MAL2: variants seen among roughly 807,000 people sequenced by gnomAD.
MAL2 encodes the protein protein MAL2.
MAL2 carries 17 observed loss-of-function variants against 18.1 expected under a neutral mutation model. The observed-to-expected ratio is 0.94, with a 90% CI of 0.64 to 1.41. MAL2 has a LOEUF of 1.41. MAL2 is among the 40% of genes most tolerant of loss of function. The pLI, the probability that MAL2 is intolerant of heterozygous loss-of-function variation, is 0.00. For missense variants in MAL2, 222 were observed against 231.9 expected (o/e 0.96, Z 0.28); for synonymous variants, 102 against 102.3 (o/e 1.00, Z 0.02).
rs193178438 is a variant in MAL2 at position 119,218,554 on chromosome 8, C to T, written c.133-3033C>T. 2.7e-4 allele frequency among the ~76,000 whole-genome samples: 41 copies of T among 152,232 alleles called. No homozygotes were observed. The East Asian group carries it at 7.4e-3, about 27-fold the overall frequency. ...GTTGAGCTCTTTTTATAGCACCCAC[C>T]GCAATCTGCTCCTGAATCAGTTTAA... is the stretch of plus-strand genomic sequence containing the variant. On this transcript the variant is annotated intron_variant, in intron 1 of 3. Coordinates refer to ENST00000614891, the MANE Select transcript of MAL2 (RefSeq NM_052886.3).
In MAL2 at chr8:119,221,656, G is replaced by T. The variant is rs1200697719; in HGVS notation, c.202G>T (p.Val68Phe). 6.8e-6 allele frequency: 11 copies of T among 1,613,904 alleles called. No individual in the cohort carries two copies. The highest frequency in any genetic ancestry group is 9.3e-6 in the Non-Finnish European group (11 of 1,179,844). ...NVPLPLLQGW[V>F]MFVSVTAFFF... ...TCCTCTACCTCTACTACAAGGATGG[G>T]TCATGTTTGTGTCCGTGACAGCGTT... is the stretch of plus-strand genomic sequence containing the variant. The change falls in exon 2 of 4, where the codon GTC becomes TTC. Residue 68 changes from valine (V) to phenylalanine (F), a missense_variant. By Grantham distance (50) the Val-to-Phe change is conservative. Transcript: ENST00000614891.
intron 3 of MAL2, among the ~76,000 whole-genome samples, 160 bp downstream of exon 3, chr8:119,240,480 T>G (rs543162636): frequency 6.6e-6 from 1 of 152,292 alleles, no homozygotes; most frequent in South Asian, 2.1e-4. Context: ...GTAAGCAAAG[T>G]GCCATGATCA....
intron 3 of MAL2, among the ~76,000 whole-genome samples, chr8:119,242,783 A>G (rs879434305): frequency 7.2e-5 from 11 of 152,162 alleles, no homozygotes; most frequent in Admixed American, 6.6e-5. Context: ...TTAGTCTTCT[A>G]TGGATCATAA....
At chr8:119,238,406 C>T (rs1342002250) in intron 2 of MAL2, among the ~76,000 whole-genome samples, 1 of 152,166 alleles carries the variant, frequency 6.6e-6, no homozygotes, top group Non-Finnish European at 1.5e-5. Flanking sequence ...TGACTTTCTT[C>T]ACAGAATTGG....
At chr8:119,232,846 A>G (rs1354709942) in intron 2 of MAL2, among the ~76,000 whole-genome samples, 2,222 of 152,292 alleles carry the variant, frequency 0.015, no homozygotes, top group African/African-American at 0.051. Context: ...TCCAAATTAA[A>G]ATTACATATT....
At chr8:119,235,299 GT>G (rs1489050768) in intron 2 of MAL2, among the ~76,000 whole-genome samples, 1 of 152,186 alleles carries the variant, frequency 6.6e-6, no homozygotes, top group African/African-American at 2.4e-5. Context: ...ATGGGACTAT[GT>G]GAAAAGACCA....
chr8:119,239,776 G>A (rs2129918315), intron 2 of MAL2, among the ~76,000 whole-genome samples: 1 of 151,910 alleles, frequency 6.6e-6, no homozygotes, highest in East Asian at 1.9e-4. Flanking sequence ...GTTGTGGGGA[G>A]GGATAGCATT....
chr8:119,208,489 C>G lies in MAL2; in HGVS notation c.17C>G (p.Ala6Gly), dbSNP rs1479759280. Residue 6 changes from alanine (A) to glycine (G), a missense_variant, in exon 1 of 4, where the codon GCG (alanine) becomes GGG (glycine). Coordinates refer to ENST00000614891, the MANE Select transcript of MAL2 (RefSeq NM_052886.3). This position sits in a 1 kb window ranked among gnomAD's most constrained non-coding sequence, Gnocchi z 4.3. ...AGCGGCAGCATGTCGGCCGGCGGAGCGTCAGTCCCGCCGCCCCCGAACCCC... is the reference window on the plus strand; with the variant it reads ...AGCGGCAGCATGTCGGCCGGCGGAGGGTCAGTCCCGCCGCCCCCGAACCCC... MSAGG[A>G]SVPPPPNPAV... is the part of the protein sequence containing the mutation. The G allele has an allele frequency of 2.3e-6, 3 of 1,286,398 alleles. No individual in the cohort carries two copies. The African/African-American group carries it at 4.6e-5, about 20-fold the overall frequency. 79.7% of individuals were successfully genotyped at this position (1,286,398 alleles called of 1,614,324 possible).
At chr8:119,227,887 G>T (rs932705274) in intron 2 of MAL2, among the ~76,000 whole-genome samples, 3 of 152,070 alleles carry the variant, frequency 2.0e-5, no homozygotes, top group African/African-American at 7.2e-5. Context: ...CCTCTTCTCA[G>T]CTTTCCTGTC....
chr8:119,223,992 G>A (rs557248612), intron 2 of MAL2: 1 of 152,264 alleles, frequency 6.6e-6, no homozygotes, highest in African/African-American at 2.4e-5. Flanking sequence ...AAAAATAGTT[G>A]TTTTCTCCTG....
Position 119,243,438 on chromosome 8 carries a change from G to A in MAL2, c.481G>A (p.Ala161Thr), listed in dbSNP as rs1384292711. Residue 161 changes from alanine to threonine, a missense_variant, in exon 4 of 4, where the codon GCT becomes ACT. Ala to Thr is a moderately conservative substitution (Grantham distance 58). Coordinates refer to ENST00000614891, the MANE Select transcript of MAL2 (RefSeq NM_052886.3). Reference protein sequence around the residue: ...AASIFAFMTTACYGCSLGLAL... With the variant: ...AASIFAFMTTTCYGCSLGLAL... ...TTAGATTTTTGCCTTTATGACGACA[G>A]CTTGTTATGGTTGCAGTTTGGGTCT... The A allele has an allele frequency of 1.3e-6, 2 of 1,599,076 alleles. No individual in the cohort carries two copies. The highest frequency in any genetic ancestry group is 1.7e-6 in the Non-Finnish European group (2 of 1,171,968).
intron 1 of MAL2, among the ~76,000 whole-genome samples, chr8:119,211,475 C>G (rs1310016613): frequency 6.6e-6 from 1 of 152,192 alleles, no homozygotes; most frequent in Non-Finnish European, 1.5e-5. Flanking sequence ...GCTATTGACA[C>G]CATGCTCTTG....
At chr8:119,235,548 G>A (rs985908513) in intron 2 of MAL2, among the ~76,000 whole-genome samples, 1 of 151,064 alleles carries the variant, frequency 6.6e-6, no homozygotes, top group Non-Finnish European at 1.5e-5. Flanking sequence ...CAGCCAGAGA[G>A]AAAGGTCGGG....
chr8:119,220,434 C>T (rs186090994), intron 1 of MAL2, among the ~76,000 whole-genome samples: 67 of 152,316 alleles, frequency 4.4e-4, no homozygotes, highest in Non-Finnish European at 7.5e-4. Flanking sequence ...TGTGCTGCCT[C>T]ACCATCCACC....
In MAL2 at chr8:119,226,408, C is replaced by G. The variant is rs186995513; in HGVS notation, c.303+4651C>G. 5.4e-5 allele frequency among the ~76,000 whole-genome samples: 8 copies of G among 148,734 alleles called. No homozygotes were observed. The East Asian group carries it at 6.0e-4, about 11-fold the overall frequency. ...TATTCAATAGGGAATCCTTTCCCCC[C>G]CTTTTTTTTTTTAACTAGTAGATGG... is the stretch of plus-strand genomic sequence containing the variant. On this transcript the variant is annotated intron_variant, in intron 2 of 3. Transcript: ENST00000614891.
At chr8:119,243,193 AT>A (rs1245404949) in intron 3 of MAL2, among the ~76,000 whole-genome samples, 1 of 152,120 alleles carries the variant, frequency 6.6e-6, no homozygotes, top group Non-Finnish European at 1.5e-5. Context: ...TGAGAAAATT[AT>A]TAGGAGCTAA....
At chr8:119,210,595 G>T (rs1226917598) in intron 1 of MAL2, among the ~76,000 whole-genome samples, 1 of 152,152 alleles carries the variant, frequency 6.6e-6, no homozygotes, top group African/African-American at 2.4e-5. Context: ...CTAATATTCA[G>T]AGCCTAGAGA....
At chr8:119,242,610 CAGA>C (rs796160367) in intron 3 of MAL2, among the ~76,000 whole-genome samples, 6 of 152,180 alleles carry the variant, frequency 3.9e-5, no homozygotes, top group African/African-American at 1.2e-4. Context: ...AAAAAATCAG[CAGA>C]AGAAGGGTGG....
chr8:119,215,473 G>A (rs1292712525), intron 1 of MAL2: 1 of 152,216 alleles, frequency 6.6e-6, no homozygotes, highest in East Asian at 1.9e-4. Context: ...ATACGGAGAT[G>A]TTGAAGGCAA....
Sources: allele counts gnomAD v4.1 joint callset (sites outside exome capture counted in the v4.1 genomes callset), GRCh38; gene constraint gnomAD v4.1.1; non-coding constraint Gnocchi (gnomAD v3.1); transcripts MANE v1.5; gene names NCBI Gene and HGNC (gene_info 2026-07-23, HGNC 2026-07-21).